Variants in FOXN3 observed in about 807,000 individuals in gnomAD.
FOXN3 encodes forkhead box N3.
FOXN3 carries 7 observed loss-of-function variants against 38.4 expected under a neutral mutation model. That is an observed-to-expected ratio of 0.18 (90% CI 0.10 to 0.34). The LOEUF (loss-of-function observed/expected upper bound fraction) is 0.34, where lower values mean the gene tolerates loss of function less well. Among genes scored for constraint, FOXN3 ranks in the 10% least tolerant of loss-of-function variants. The pLI is 1.00. For missense variants in FOXN3, 456 were observed against 613.4 expected (o/e 0.74, Z 2.71); for synonymous variants, 230 against 242.2 (o/e 0.95, Z 0.47).
intron 2 of FOXN3, among the ~76,000 whole-genome samples, chr14:89,383,906 C>T (rs951118354): frequency 1.3e-5 from 2 of 151,422 alleles, no homozygotes; most frequent in African/African-American, 2.4e-5. Context: ...TTTTGTGCCT[C>T]GGCCTCCCGA....
intron 5 of FOXN3, among the ~76,000 whole-genome samples, chr14:89,179,404 C>A (rs1357681453): frequency 6.6e-6 from 1 of 152,194 alleles, no homozygotes; most frequent in African/African-American, 2.4e-5. Flanking sequence ...GCTAAACACA[C>A]TTTCTGGGTT....
intron 1 of FOXN3, among the ~76,000 whole-genome samples, chr14:89,616,889 A>G (rs1896506318): frequency 6.6e-6 from 1 of 152,190 alleles, no homozygotes; most frequent in South Asian, 2.1e-4. Context: ...AGGAGACCAC[A>G]TTTTTGGTTG....
intron 1 of FOXN3, among the ~76,000 whole-genome samples, chr14:89,459,055 C>G (rs1892785263): frequency 6.6e-6 from 1 of 152,136 alleles, no homozygotes; most frequent in Non-Finnish European, 1.5e-5. Flanking sequence ...AATCTCAACA[C>G]TTTGGTCTGT....
At chr14:89,464,931 C>T (rs914316896) in intron 1 of FOXN3, among the ~76,000 whole-genome samples, 6 of 152,108 alleles carry the variant, frequency 3.9e-5, no homozygotes, top group African/African-American at 1.2e-4. Flanking sequence ...CACCTGACCT[C>T]GTGATACGCC....
chr14:89,185,619 T>C (rs1365404048), intron 4 of FOXN3: 1 of 152,426 alleles, frequency 6.6e-6, no homozygotes, highest in East Asian at 1.9e-4. Context: ...TTCCTCGGAT[T>C]TGTGGCTCTC....
intron 1 of FOXN3, among the ~76,000 whole-genome samples, chr14:89,473,596 G>A (rs1893153913): frequency 6.6e-6 from 1 of 151,928 alleles, no homozygotes; most frequent in South Asian, 2.1e-4. Context: ...TCAAGCTCCT[G>A]GACTCAATGG....
At chr14:89,440,880 A>T (rs1181019412) in intron 1 of FOXN3, among the ~76,000 whole-genome samples, 1 of 152,198 alleles carries the variant, frequency 6.6e-6, no homozygotes, top group African/African-American at 2.4e-5. Flanking sequence ...TGGGTTAGTA[A>T]TAGGCTCTTT....
At chr14:89,506,228 A>G (rs1322499776) in intron 1 of FOXN3, among the ~76,000 whole-genome samples, 1 of 70,874 alleles carries the variant, frequency 1.4e-5, no homozygotes, top group African/African-American at 3.7e-5. Context: ...TCTACTGGGA[A>G]GAGAGGAGCC....
chr14:89,589,774 A>ATAAT lies in FOXN3; in HGVS notation c.-15+29250_-15+29253dup, dbSNP rs1264403702. Among the ~76,000 whole-genome samples the ATAAT allele has an allele frequency of 5.3e-5, 8 of 152,248 alleles. No individual in the cohort carries two copies. The South Asian group carries it at 8.3e-4, about 16-fold the overall frequency. ...CTATTCCTAGTGATTTTTATTTTCC[A>ATAAT]TAATAAGCAAATTCTGAGAAGGGCT... On this transcript the variant is annotated intron_variant, in intron 1 of 6. Transcript: ENST00000345097.
intron 1 of FOXN3, among the ~76,000 whole-genome samples, chr14:89,564,245 T>C (rs1322403632): frequency 6.6e-6 from 1 of 152,004 alleles, no homozygotes; most frequent in East Asian, 1.9e-4. Flanking sequence ...ATAAATAATA[T>C]AGAATAATCC....
At chr14:89,369,748 GA>G (rs1369026223) in intron 2 of FOXN3, among the ~76,000 whole-genome samples, 2 of 152,072 alleles carry the variant, frequency 1.3e-5, no homozygotes, top group African/African-American at 4.8e-5. Flanking sequence ...AACAACACAG[GA>G]AAGACCTGTC....
chr14:89,319,256 C>A (rs184134098), intron 3 of FOXN3, among the ~76,000 whole-genome samples: 2 of 152,204 alleles, frequency 1.3e-5, no homozygotes, highest in East Asian at 1.9e-4. Flanking sequence ...CAGGACACAG[C>A]GTACAGTCAT....
chr14:89,383,693 C>T (rs763359415), intron 2 of FOXN3, among the ~76,000 whole-genome samples: 14 of 152,210 alleles, frequency 9.2e-5, no homozygotes, highest in Non-Finnish European at 1.9e-4. Flanking sequence ...CTCCTCTCCT[C>T]GTAAGGGACG....
intron 1 of FOXN3, among the ~76,000 whole-genome samples, chr14:89,511,237 CTTTTCTTTCTT>C (rs1566681187): frequency 0.22 from 5,594 of 25,690 alleles, 2,249 homozygotes; most frequent in Middle Eastern, 0.47. Flanking sequence ...CTTTTCTTTC[CTTTTCTTTCTT>C]TTCTTTCTTT....
At chr14:89,283,278 T>C (rs1349855567) in intron 3 of FOXN3, among the ~76,000 whole-genome samples, 2 of 152,230 alleles carry the variant, frequency 1.3e-5, no homozygotes, top group Non-Finnish European at 2.9e-5. Context: ...TTTAAAACCC[T>C]ATTTTATGAC....
chr14:89,170,523 A>AC (rs1192446787), intron 5 of FOXN3, among the ~76,000 whole-genome samples: 1 of 152,152 alleles, frequency 6.6e-6, no homozygotes, highest in Non-Finnish European at 1.5e-5. Flanking sequence ...GCAATCTCCC[A>AC]CCTCAGCCTC....
At chr14:89,334,006 A>ATATATATATATGTATG (rs1555418840) in intron 3 of FOXN3, among the ~76,000 whole-genome samples, 24 of 49,316 alleles carry the variant, frequency 4.9e-4, no homozygotes, top group African/African-American at 1.3e-3. Flanking sequence ...ATATATATAT[A>ATATATATATATGTATG]TATGTATATA....
At chr14:89,298,018 C>T (rs1174409044) in intron 3 of FOXN3, among the ~76,000 whole-genome samples, 1 of 151,994 alleles carries the variant, frequency 6.6e-6, no homozygotes, top group East Asian at 1.9e-4. Context: ...AAAAGAGAAA[C>T]ATTATTCACA....
intron 4 of FOXN3, among the ~76,000 whole-genome samples, chr14:89,220,579 C>T (rs987647780): frequency 2.0e-5 from 3 of 152,172 alleles, no homozygotes; most frequent in African/African-American, 4.8e-5. Context: ...CTACTGTACA[C>T]CAGCCTGGGT....
Sources: gnomAD v4.1 joint callset for allele counts (sites outside exome capture counted in the v4.1 genomes callset) on GRCh38, gnomAD v4.1.1 for gene constraint, MANE v1.5 for transcripts, NCBI Gene and HGNC (gene_info 2026-07-23, HGNC 2026-07-21) for gene names.